DNAH14: variants seen among roughly 807,000 people sequenced by gnomAD.
DNAH14 encodes dynein axonemal heavy chain 14.
DNAH14 carries 478 observed loss-of-function variants against 520.9 expected under a neutral mutation model. That is an observed-to-expected ratio of 0.92 (90% CI 0.85 to 0.99). The LOEUF (loss-of-function observed/expected upper bound fraction) is 0.99, where lower values mean the gene tolerates loss of function less well. Among genes scored for constraint, DNAH14 ranks in the 50% least tolerant of loss-of-function variants. DNAH14 has a pLI of 0.00. For synonymous variants in DNAH14, 1,581 were observed against 1,757.2 expected (o/e 0.90, Z 2.51); for missense variants, 4,831 against 5,234.5 (o/e 0.92, Z 2.38).
At chr1:224,965,561 T>C (rs2061112765) in intron 5 of DNAH14, among the ~76,000 whole-genome samples, 1 of 152,046 alleles carries the variant, frequency 6.6e-6, no homozygotes, top group South Asian at 2.1e-4. Context: ...AAACTTTATT[T>C]ACAAAAACAG....
chr1:225,228,496 C>G (rs1315230882), intron 41 of DNAH14, among the ~76,000 whole-genome samples: 3 of 152,070 alleles, frequency 2.0e-5, no homozygotes, highest in Non-Finnish European at 4.4e-5. Flanking sequence ...AGACGTAAGG[C>G]AACTTAAACT....
intron 41 of DNAH14, among the ~76,000 whole-genome samples, chr1:225,223,361 CTG>C (rs2090235317): frequency 6.6e-6 from 1 of 152,174 alleles, no homozygotes; most frequent in South Asian, 2.1e-4. Context: ...GTAATGGCCA[CTG>C]TTATTCCTCC....
chr1:225,001,031 A>G (rs999116176), intron 8 of DNAH14, among the ~76,000 whole-genome samples: 8 of 151,940 alleles, frequency 5.3e-5, no homozygotes, highest in African/African-American at 1.9e-4. Flanking sequence ...TTTGGCTGGA[A>G]TAGAATAGTT....
chr1:225,245,937 C>T (rs936030822), intron 43 of DNAH14, among the ~76,000 whole-genome samples: 1 of 151,882 alleles, frequency 6.6e-6, no homozygotes, highest in Non-Finnish European at 1.5e-5. Flanking sequence ...GCAAAAAGAA[C>T]AAAGCTAGAG....
intron 49 of DNAH14, among the ~76,000 whole-genome samples, chr1:225,267,095 T>A (rs1339102225): frequency 1.3e-5 from 2 of 152,004 alleles, no homozygotes; most frequent in Non-Finnish European, 2.9e-5. Flanking sequence ...GCATCAAATT[T>A]TAGTTAGTTG....
intron 41 of DNAH14, among the ~76,000 whole-genome samples, chr1:225,216,060 T>C (rs1474699662): frequency 6.6e-6 from 1 of 152,222 alleles, no homozygotes; most frequent in African/African-American, 2.4e-5. Flanking sequence ...TGTTTAGTGC[T>C]TCCTTCAGGA....
chr1:225,097,752 C>T (rs181158111), intron 22 of DNAH14, among the ~76,000 whole-genome samples: 2,375 of 150,804 alleles, frequency 0.016, 21 homozygotes, highest in Non-Finnish European at 0.025. Context: ...ACAGCCTGGG[C>T]GACAGAGCGA....
chr1:225,203,886 T>C (rs1367141347), intron 38 of DNAH14, among the ~76,000 whole-genome samples: 2 of 152,172 alleles, frequency 1.3e-5, no homozygotes, highest in Non-Finnish European at 2.9e-5. Flanking sequence ...GTAATGGAAA[T>C]TCAAAGAACT....
chr1:224,986,254 A>C (rs527558400), intron 8 of DNAH14, among the ~76,000 whole-genome samples: 1 of 151,452 alleles, frequency 6.6e-6, no homozygotes, highest in Non-Finnish European at 1.5e-5. Flanking sequence ...GTATTTGGGA[A>C]TATTTCCAGA....
intron 68 of DNAH14, among the ~76,000 whole-genome samples, chr1:225,338,622 C>T (rs2095112113): frequency 6.6e-6 from 1 of 152,104 alleles, no homozygotes. Context: ...GCTTTATATC[C>T]ATGTTCCCAG....
intron 1 of DNAH14, 70 bp downstream of exon 1, chr1:224,929,905 C>T: frequency 1.7e-6 from 1 of 596,510 alleles, no homozygotes; most frequent in Non-Finnish European, 3.0e-6. Flanking sequence ...GTGGGGCAGC[C>T]GGTGTCGCAC....
intron 8 of DNAH14, among the ~76,000 whole-genome samples, chr1:225,001,285 T>C (rs1293295414): frequency 6.6e-6 from 1 of 152,148 alleles, no homozygotes; most frequent in Non-Finnish European, 1.5e-5. Flanking sequence ...TAATGTAATG[T>C]CCAGAGTTTT....
chr1:225,151,222 A>G (rs1416390215), intron 31 of DNAH14, among the ~76,000 whole-genome samples: 2 of 152,190 alleles, frequency 1.3e-5, no homozygotes, highest in African/African-American at 4.8e-5. Context: ...TCATAATCTA[A>G]TATTTCTAAT....
chr1:225,175,629 A>G lies in DNAH14; in HGVS notation c.5535+7601A>G, dbSNP rs139219262. Reference sequence around the variant, plus strand: ...TGTATTTTTTACTCCCTATTCTCTCATCTTTATTTTTTGGGTTTTGATTGT... The same window carrying G: ...TGTATTTTTTACTCCCTATTCTCTCGTCTTTATTTTTTGGGTTTTGATTGT... On this transcript the variant is annotated intron_variant, in intron 36 of 85. Transcript: ENST00000682510. Among the ~76,000 whole-genome samples the G allele has an allele frequency of 4.9e-3, 704 of 143,686 alleles. 2 individuals are homozygous for G. The highest frequency in any genetic ancestry group is 0.012 in the East Asian group (61 of 4,926). 94.3% of individuals were successfully genotyped at this position (143,686 alleles called of 152,430 possible). A position where few individuals can be genotyped will look rare whatever the true frequency, so the allele number is the denominator to read the frequency against.
rs2150859870 is a variant in DNAH14 at position 225,392,348 on chromosome 1, C to T, written c.13388C>T (p.Ala4463Val). Residue 4463 changes from alanine (A) to valine (V), a missense_variant, in exon 84 of 86, where the codon GCC (alanine) becomes GTC (valine). Ala to Val is a moderately conservative substitution (Grantham distance 64). Coordinates refer to ENST00000682510, the MANE Select transcript of DNAH14 (RefSeq NM_001367479.1). Reference protein sequence around the residue: ...YGRSRGIAVDALTFTHHVISN... With the variant: ...YGRSRGIAVDVLTFTHHVISN... Reference sequence around the variant, plus strand: ...AGGTCCCGAGGAATCGCTGTGGATGCCCTCACCTTCACCCACCATGTGATT... The same window carrying T: ...AGGTCCCGAGGAATCGCTGTGGATGTCCTCACCTTCACCCACCATGTGATT... 1 of 1,552,342 alleles carries T rather than the reference C, an allele frequency of 6.4e-7. No individual in the cohort carries two copies. The highest frequency in any genetic ancestry group is 1.2e-5 in the South Asian group (1 of 84,060).
chr1:225,156,709 C>CTTTTTTTTTTTTTTT (rs71170061), intron 34 of DNAH14, among the ~76,000 whole-genome samples: 1 of 68,164 alleles, frequency 1.5e-5, no homozygotes, highest in Non-Finnish European at 2.4e-5. Flanking sequence ...TCTTAAAATT[C>CTTTTTTTTTTTTTTT]TTTTTTTTTT....
At chr1:225,230,113 T>C (rs570618702) in intron 41 of DNAH14, among the ~76,000 whole-genome samples, 37 of 152,178 alleles carry the variant, frequency 2.4e-4, no homozygotes, top group African/African-American at 7.2e-4. Flanking sequence ...GAATTTATTA[T>C]AAATAAATAA....
At chr1:225,145,411 T>C in intron 30 of DNAH14, 32 bp downstream of exon 30, 1 of 1,459,944 alleles carries the variant, frequency 6.8e-7, no homozygotes. Context: ...CAGGAAGAAA[T>C]ATTGTACACA....
At chr1:225,164,179 G>T (rs562262517) in intron 35 of DNAH14, among the ~76,000 whole-genome samples, 1 of 151,928 alleles carries the variant, frequency 6.6e-6, no homozygotes, top group African/African-American at 2.4e-5. Flanking sequence ...TCTGTCAGTT[G>T]TTGTTGTTGT....
Sources: gnomAD v4.1 joint callset for allele counts (sites outside exome capture counted in the v4.1 genomes callset) on GRCh38, gnomAD v4.1.1 for gene constraint, MANE v1.5 for transcripts, NCBI Gene and HGNC (gene_info 2026-07-23, HGNC 2026-07-21) for gene names.